Variants in RYR3 observed in about 807,000 individuals in gnomAD.
RYR3 encodes ryanodine receptor 3.
A neutral mutation model predicts 584.3 loss-of-function variants in RYR3; 207 were observed. The ratio of observed to expected loss-of-function variants is 0.35; its 90% CI spans 0.32 to 0.40. The LOEUF (loss-of-function observed/expected upper bound fraction) is 0.40, where lower values mean the gene tolerates loss of function less well. Ranked by LOEUF, RYR3 falls within the 10% of genes least tolerant of loss-of-function variation. The pLI, the probability that RYR3 is intolerant of heterozygous loss-of-function variation, is 1.00. For missense variants in RYR3, 5,616 were observed against 6,089.2 expected (o/e 0.92, Z 2.59); for synonymous variants, 2,416 against 2,248.5 (o/e 1.07, Z -2.11).
At chr15:33,386,908 A>G (rs1193290899) in intron 1 of RYR3, among the ~76,000 whole-genome samples, 1 of 151,662 alleles carries the variant, frequency 6.6e-6, no homozygotes, top group Non-Finnish European at 1.5e-5. Context: ...CCCGGGCTGG[A>G]GTGCAGTGGC....
At chr15:33,469,392 G>A (rs2048743096) in intron 1 of RYR3, among the ~76,000 whole-genome samples, 1 of 152,048 alleles carries the variant, frequency 6.6e-6, no homozygotes, top group Non-Finnish European at 1.5e-5. Context: ...AGGATTTTCA[G>A]CAAGAAAATA....
intron 32 of RYR3, among the ~76,000 whole-genome samples, chr15:33,658,924 A>G (rs1279134282): frequency 4.0e-5 from 6 of 151,740 alleles, no homozygotes; most frequent in African/African-American, 1.2e-4. Context: ...GTCCAGAGGA[A>G]CCCGGGGAGA....
At position 33,629,796 on chromosome 15, in the gene RYR3, G is replaced by A. The variant is rs2061177910; in HGVS notation, c.2680-144G>A. The stretch of plus-strand genomic sequence containing the variant: ...GTCTCATTGACTAGAGAGATCATCT[G>A]TTTGCCGAATAGCAAGTTGCTGTCT... On this transcript the variant is annotated intron_variant, in intron 21 of 103. Transcript: ENST00000634891. 6.9e-6 allele frequency: 4 copies of A among 580,310 alleles called. No homozygotes were observed. The East Asian group carries it at 8.6e-5, about 12-fold the overall frequency. 35.9% of individuals were successfully genotyped at this position (580,310 alleles called of 1,614,324 possible).
intron 1 of RYR3, among the ~76,000 whole-genome samples, chr15:33,336,652 A>G (rs1371142202): frequency 6.6e-6 from 1 of 151,808 alleles, no homozygotes; most frequent in South Asian, 2.1e-4. Context: ...GTTTGAAAGT[A>G]GAGGTATGAT....
intron 2 of RYR3, among the ~76,000 whole-genome samples, chr15:33,494,700 G>T (rs2051266112): frequency 6.6e-6 from 1 of 152,100 alleles, no homozygotes; most frequent in Non-Finnish European, 1.5e-5. Context: ...TAAATTTTCT[G>T]CATCTTACTG....
Position 33,475,309 on chromosome 15 carries a change from T to A in RYR3, c.171+1771T>A, listed in dbSNP as rs2049279095. Among the ~76,000 whole-genome samples, 4 of 152,300 alleles carry A rather than the reference T, an allele frequency of 2.6e-5. No individual in the cohort carries two copies. The South Asian group carries it at 8.3e-4, about 32-fold the overall frequency. On this transcript the variant is annotated intron_variant, in intron 2 of 103. Coordinates refer to ENST00000634891, the MANE Select transcript of RYR3 (RefSeq NM_001036.6). ...TCGAGTAGGGTATAGGGCAGTGCTT[T>A]AGGGCAGCAGTTCCCAACCTTTTTG...
intron 3 of RYR3, among the ~76,000 whole-genome samples, chr15:33,509,666 A>G (rs576656996): frequency 1.3e-5 from 2 of 152,366 alleles, no homozygotes; most frequent in African/African-American, 4.8e-5. Flanking sequence ...TGTAAGTCCT[A>G]GGTCTTGCCC....
chr15:33,667,574 C>G (rs1445173531), intron 36 of RYR3, among the ~76,000 whole-genome samples: 2 of 152,136 alleles, frequency 1.3e-5, no homozygotes, highest in Admixed American at 1.3e-4. Context: ...ATCATTTTCT[C>G]TAATGAGTTA....
In RYR3 at chr15:33,461,613, C is replaced by T. The variant is rs144767531; in HGVS notation, c.52-11806C>T. On this transcript the variant is annotated intron_variant, in intron 1 of 103. Coordinates refer to ENST00000634891, the MANE Select transcript of RYR3 (RefSeq NM_001036.6). ...ATGATCCTCGCCTTCTAAGCCTAAACGTTCTGGTGAGAGGGGAATTAAATA... is the reference window on the plus strand; with the variant it reads ...ATGATCCTCGCCTTCTAAGCCTAAATGTTCTGGTGAGAGGGGAATTAAATA... Among the ~76,000 whole-genome samples the T allele has an allele frequency of 5.3e-5, 8 of 152,196 alleles. No individual in the cohort carries two copies. In the East Asian group the frequency reaches 1.5e-3, roughly 29 times the overall value.
At chr15:33,454,151 T>C (rs375774427) in intron 1 of RYR3, among the ~76,000 whole-genome samples, 4 of 152,176 alleles carry the variant, frequency 2.6e-5, no homozygotes, top group Non-Finnish European at 4.4e-5. Context: ...TGCTGTAGTA[T>C]TGGAAAACAT....
intron 46 of RYR3, 122 bp downstream of exon 46, chr15:33,726,628 A>G: frequency 9.8e-7 from 1 of 1,016,838 alleles, no homozygotes; most frequent in Non-Finnish European, 1.4e-6. Flanking sequence ...GCACAGGGCA[A>G]GTGTCTCACT....
chr15:33,391,900 C>T (rs1435738957), intron 1 of RYR3, among the ~76,000 whole-genome samples: 1 of 152,034 alleles, frequency 6.6e-6, no homozygotes, highest in African/African-American at 2.4e-5. Flanking sequence ...CATGCTGTTT[C>T]CTCTGCCTGG....
intron 16 of RYR3, among the ~76,000 whole-genome samples, chr15:33,596,157 C>T (rs1595758864): frequency 6.6e-6 from 1 of 150,744 alleles, no homozygotes; most frequent in Admixed American, 6.6e-5. Context: ...GTATACATAA[C>T]CTTTAAGTTT....
intron 2 of RYR3, among the ~76,000 whole-genome samples, chr15:33,492,027 A>G (rs1372095191): frequency 6.6e-6 from 1 of 152,232 alleles, no homozygotes; most frequent in Non-Finnish European, 1.5e-5. Context: ...ATTGAAGAAG[A>G]TATGGCCTGA....
intron 65 of RYR3, among the ~76,000 whole-genome samples, chr15:33,780,757 T>G (rs926476658): frequency 6.6e-6 from 1 of 152,154 alleles, no homozygotes; most frequent in Non-Finnish European, 1.5e-5. Context: ...TGGAGAGGCG[T>G]GCTTCTAAAG....
intron 80 of RYR3, among the ~76,000 whole-genome samples, chr15:33,822,017 C>CCATCCATTCATTCATTCATT (rs142617100): frequency 6.6e-6 from 1 of 151,414 alleles, no homozygotes; most frequent in Non-Finnish European, 1.5e-5. Flanking sequence ...GTTCGTTCAT[C>CCATCCATTCATTCATTCATT]CATTCATTCA....
chr15:33,841,796 C>G, intron 90 of RYR3, 68 bp from the exon 91 acceptor site: 1 of 1,480,084 alleles, frequency 6.8e-7, no homozygotes. Flanking sequence ...TCTCTTTAAT[C>G]TAGTCTCCCT....
At chr15:33,644,800 T>G (rs1331261115) in intron 28 of RYR3, among the ~76,000 whole-genome samples, 1 of 152,232 alleles carries the variant, frequency 6.6e-6, no homozygotes, top group Non-Finnish European at 1.5e-5. Context: ...TATACTGTGT[T>G]GTCATAGTAA....
At chr15:33,720,805 G>GTGAGGCTGCAC (rs1379046174) in intron 43 of RYR3, among the ~76,000 whole-genome samples, 1 of 152,022 alleles carries the variant, frequency 6.6e-6, no homozygotes. Context: ...ACCCTAGAGG[G>GTGAGGCTGCAC]TGAGGCTGCA....
Sources: gnomAD v4.1 joint callset for allele counts (sites outside exome capture counted in the v4.1 genomes callset) on GRCh38, gnomAD v4.1.1 for gene constraint, MANE v1.5 for transcripts, NCBI Gene and HGNC (gene_info 2026-07-23, HGNC 2026-07-21) for gene names.